The following GLCE variants were observed in gnomAD, a reference collection of about 807,000 sequenced individuals.
The protein encoded by GLCE is glucuronic acid epimerase.
In GLCE, 19 loss-of-function variants were observed where a neutral mutation model predicts 47.9. The observed-to-expected ratio is 0.40, with a 90% CI of 0.28 to 0.58. GLCE has a LOEUF of 0.58. GLCE is among the 20% of genes least tolerant of loss of function. GLCE has a pLI of 0.48. For synonymous variants in GLCE, 245 were observed against 263.4 expected (o/e 0.93, Z 0.68); for missense variants, 556 against 743.3 (o/e 0.75, Z 2.93).
chr15:69,260,642 A>G (rs560992178), intron 3 of GLCE: 1 of 157,286 alleles, frequency 6.4e-6, no homozygotes, highest in East Asian at 1.9e-4. Context: ...GGAGGGAAAG[A>G]TGAGTATGTA....
At chr15:69,182,298 T>TGTGTGTGTGTGAGAGAGAGA (rs1446237319) in intron 1 of GLCE, among the ~76,000 whole-genome samples, 1 of 145,720 alleles carries the variant, frequency 6.9e-6, no homozygotes, top group African/African-American at 2.5e-5. Context: ...TGTGTGTGTG[T>TGTGTGTGTGTGAGAGAGAGA]GAGAGAGAGA....
chr15:69,168,536 C>CT (rs11288270), intron 1 of GLCE, among the ~76,000 whole-genome samples: 32 of 142,280 alleles, frequency 2.2e-4, no homozygotes, highest in Middle Eastern at 3.6e-3. Context: ...CCATCTATTC[C>CT]TTTTTTTTTT....
Position 69,238,264 on chromosome 15 carries a change from G to A in GLCE, c.-13-17530G>A, listed in dbSNP as rs544474490. 2.0e-5 allele frequency among the ~76,000 whole-genome samples: 3 copies of A among 152,258 alleles called. No individual in the cohort carries two copies. The South Asian group carries it at 6.2e-4, about 32-fold the overall frequency. Reference sequence around the variant, plus strand: ...CTTTCTGCTCTTATCTAGTTGGTGTGAAAGTATATGGTGACTTGGAGCCAT... The same window carrying A: ...CTTTCTGCTCTTATCTAGTTGGTGTAAAAGTATATGGTGACTTGGAGCCAT... On this transcript the variant is annotated intron_variant, in intron 2 of 4. Coordinates refer to ENST00000261858, the MANE Select transcript of GLCE (RefSeq NM_015554.3).
Position 69,256,240 on chromosome 15 carries a change from A to T in GLCE, c.434A>T (p.Gln145Leu), listed in dbSNP as rs764253514. ...KYFDVYGKVVQYDGYDRFEFS... is the reference protein window; with the variant it reads ...KYFDVYGKVVLYDGYDRFEFS... ...TTTGATGTTTATGGAAAGGTGGTTCAGTATGATGGCTATGATCGGTTTGAA... is the reference window on the plus strand; with the variant it reads ...TTTGATGTTTATGGAAAGGTGGTTCTGTATGATGGCTATGATCGGTTTGAA... The change falls in exon 3 of 5, where the codon CAG becomes CTG. Residue 145 changes from glutamine to leucine, a missense_variant. Coordinates refer to ENST00000261858, the MANE Select transcript of GLCE (RefSeq NM_015554.3). The T allele has an allele frequency of 6.2e-7, 1 of 1,614,152 alleles. No individual in the cohort carries two copies. The highest frequency in any genetic ancestry group is 1.1e-5 in the South Asian group (1 of 91,088).
intron 4 of GLCE, among the ~76,000 whole-genome samples, chr15:69,263,485 T>C (rs927568992): frequency 6.6e-6 from 1 of 151,874 alleles, no homozygotes; most frequent in Non-Finnish European, 1.5e-5. Context: ...TAAAATCAAA[T>C]ATGAGTGAAG....
chr15:69,222,044 C>T (rs2052384183), intron 2 of GLCE, among the ~76,000 whole-genome samples: 2 of 152,054 alleles, frequency 1.3e-5, no homozygotes, highest in African/African-American at 4.8e-5. Context: ...GCACAAGTTG[C>T]ATGTGGTTGA....
rs556638372 is a variant in GLCE at position 69,257,885 on chromosome 15, C to T, written c.586+1493C>T. On this transcript the variant is annotated intron_variant, in intron 3 of 4. Transcript: ENST00000261858. ...TTTTTAAATGCATGAAATTAATAGGCGCCTAAATTCTAAAATAAAAAAGTA... is the reference window on the plus strand; with the variant it reads ...TTTTTAAATGCATGAAATTAATAGGTGCCTAAATTCTAAAATAAAAAAGTA... Among the ~76,000 whole-genome samples the T allele has an allele frequency of 1.6e-4, 25 of 151,704 alleles. No homozygotes were observed. The South Asian group carries it at 4.6e-3, about 28-fold the overall frequency.
At chr15:69,227,322 G>A (rs2052463905) in intron 2 of GLCE, among the ~76,000 whole-genome samples, 1 of 152,048 alleles carries the variant, frequency 6.6e-6, no homozygotes, top group South Asian at 2.1e-4. Flanking sequence ...ACCCCTATTT[G>A]TATTGGAGAG....
At chr15:69,191,365 G>A (rs983019456) in intron 1 of GLCE, among the ~76,000 whole-genome samples, 3 of 152,026 alleles carry the variant, frequency 2.0e-5, no homozygotes, top group Non-Finnish European at 4.4e-5. Flanking sequence ...AGGAGGACTC[G>A]GGACTTAGCA....
intron 2 of GLCE, among the ~76,000 whole-genome samples, chr15:69,246,930 T>C (rs962060645): frequency 4.6e-5 from 7 of 152,164 alleles, no homozygotes; most frequent in African/African-American, 1.7e-4. Flanking sequence ...GCTTCAGATA[T>C]TCAGTAAACC....
At chr15:69,248,608 C>T (rs777003596) in intron 2 of GLCE, among the ~76,000 whole-genome samples, 4 of 152,124 alleles carry the variant, frequency 2.6e-5, no homozygotes, top group South Asian at 4.2e-4. Context: ...TTCAACAAAC[C>T]GTTAATGAAT....
intron 2 of GLCE, among the ~76,000 whole-genome samples, chr15:69,239,334 G>A (rs1267417398): frequency 2.0e-5 from 3 of 152,122 alleles, no homozygotes; most frequent in African/African-American, 7.2e-5. Flanking sequence ...GCTTTCTTAG[G>A]GCATAAGGTG....
In GLCE at chr15:69,190,734, C is replaced by A. The variant is rs138649831; in HGVS notation, c.-104-19582C>A. On this transcript the variant is annotated intron_variant, in intron 1 of 4. Coordinates refer to ENST00000261858, the MANE Select transcript of GLCE (RefSeq NM_015554.3). ...AAATACAATCTGACAATCTCTATCC[C>A]TTTTAATCAGGAGTTTAGACCATTT... is the stretch of plus-strand genomic sequence containing the variant. 5.8e-3 allele frequency among the ~76,000 whole-genome samples: 875 copies of A among 152,148 alleles called. 9 individuals carry two copies. Among genetic ancestry groups the A allele is most frequent in the African/African-American group, 0.02 (841 of 41,548 alleles).
intron 1 of GLCE, among the ~76,000 whole-genome samples, chr15:69,189,515 C>T (rs186185025): frequency 9.2e-5 from 14 of 152,246 alleles, no homozygotes; most frequent in South Asian, 4.1e-4. Flanking sequence ...TAAGGACATA[C>T]GTTTTCGACT....
chr15:69,171,541 C>T (rs750720431), intron 1 of GLCE, among the ~76,000 whole-genome samples: 9 of 151,716 alleles, frequency 5.9e-5, no homozygotes, highest in Non-Finnish European at 8.8e-5. Context: ...GGATTACAGG[C>T]GCCTGCCACC....
Position 69,197,250 on chromosome 15 carries a change from A to G in GLCE, c.-104-13066A>G, listed in dbSNP as rs2052007979. 7.5e-6 allele frequency: 3 copies of G among 397,950 alleles called. No individual in the cohort carries two copies. The Admixed American group carries it at 8.0e-5, about 11-fold the overall frequency. 24.7% of individuals were successfully genotyped at this position (397,950 alleles called of 1,614,324 possible). A position where few individuals can be genotyped will look rare whatever the true frequency, so the allele number is the denominator to read the frequency against. On this transcript the variant is annotated intron_variant, in intron 1 of 4. Coordinates refer to ENST00000261858, the MANE Select transcript of GLCE (RefSeq NM_015554.3). Reference sequence around the variant, plus strand: ...CACCGTATTCACCTGACTTCTTGCCAACTGACTACCACTTCTTCAAGCATC... The same window carrying G: ...CACCGTATTCACCTGACTTCTTGCCGACTGACTACCACTTCTTCAAGCATC...
At chr15:69,240,230 G>T (rs113773758) in intron 2 of GLCE, among the ~76,000 whole-genome samples, 7 of 15,334 alleles carry the variant, frequency 4.6e-4, no homozygotes, top group East Asian at 3.2e-3. Flanking sequence ...TTATCAAACC[G>T]CCGAGATCCC....
At chr15:69,177,088 C>T (rs191440958) in intron 1 of GLCE, among the ~76,000 whole-genome samples, 5 of 150,960 alleles carry the variant, frequency 3.3e-5, no homozygotes, top group East Asian at 1.9e-4. Context: ...GGTGCAATCT[C>T]GGCTCTCTGC....
intron 2 of GLCE, among the ~76,000 whole-genome samples, chr15:69,253,234 G>A (rs979628490): frequency 4.6e-5 from 7 of 152,186 alleles, no homozygotes; most frequent in African/African-American, 1.2e-4. Context: ...TGAGAAAGAC[G>A]AAGGCTTCTA....
Sources: gnomAD v4.1 joint callset for allele counts (sites outside exome capture counted in the v4.1 genomes callset) on GRCh38, gnomAD v4.1.1 for gene constraint, MANE v1.5 for transcripts, NCBI Gene and HGNC (gene_info 2026-07-23, HGNC 2026-07-21) for gene names.